ST6GALNAC2: variants seen among roughly 807,000 people sequenced by gnomAD.
ST6GALNAC2 encodes the protein alpha-N-acetylgalactosaminide alpha-2,6-sialyltransferase 2.
A neutral mutation model predicts 38.7 loss-of-function variants in ST6GALNAC2; 42 were observed. The observed-to-expected ratio is 1.09, with a 90% CI of 0.85 to 1.40. The LOEUF (loss-of-function observed/expected upper bound fraction) is 1.40. Among genes scored for constraint, ST6GALNAC2 ranks in the 40% most tolerant of loss-of-function variants. ST6GALNAC2 has a pLI of 0.00. For synonymous variants in ST6GALNAC2, 233 were observed against 209.0 expected (o/e 1.11, Z -0.99); for missense variants, 506 against 481.7 (o/e 1.05, Z -0.47).
intron 1 of ST6GALNAC2, among the ~76,000 whole-genome samples, chr17:76,583,113 C>T (rs537497474): frequency 3.9e-5 from 6 of 152,260 alleles, no homozygotes; most frequent in African/African-American, 9.6e-5. Flanking sequence ...CGGTGGCTCA[C>T]GCCTATAATC....
intron 2 of ST6GALNAC2, among the ~76,000 whole-genome samples, chr17:76,576,932 T>G (rs1421141304): frequency 6.7e-6 from 1 of 148,664 alleles, no homozygotes; most frequent in Non-Finnish European, 1.5e-5. Context: ...ATGGCGCCAT[T>G]GCACTCCAGC....
At position 76,565,986 on chromosome 17, in the gene ST6GALNAC2, C is replaced by G; in HGVS notation, c.*118G>C. 1 of 1,080,486 alleles carries G rather than the reference C, an allele frequency of 9.3e-7. No individual in the cohort carries two copies. The highest frequency in any genetic ancestry group is 1.6e-5 in the African/African-American group (1 of 62,636). The allele number at this position is 1,080,486 out of a possible 1,614,324, so 66.9% of individuals were successfully genotyped here. A position where few individuals can be genotyped will look rare whatever the true frequency, so the allele number is the denominator to read the frequency against. ...GACCTCGATGAAAATCTTGAATTCA[C>G]CCCAGTGCCCTCTGTTGGCAAGGGA... On this transcript the variant is annotated 3_prime_UTR_variant, in exon 9 of 9. Transcript: ENST00000225276.
Position 76,565,965 on chromosome 17 carries a change from T to C in ST6GALNAC2, c.*139A>G. 1.2e-6 allele frequency: 1 copy of C among 864,780 alleles called. No homozygotes were observed. The highest frequency in any genetic ancestry group is 1.7e-6 in the Non-Finnish European group (1 of 574,158). 53.6% of individuals were successfully genotyped at this position (864,780 alleles called of 1,614,324 possible). On this transcript the variant is annotated 3_prime_UTR_variant, in exon 9 of 9. Coordinates refer to ENST00000225276, the MANE Select transcript of ST6GALNAC2 (RefSeq NM_006456.3). The stretch of plus-strand genomic sequence containing the variant: ...TGGGGTGTCCTATATTGAACAGACC[T>C]CGATGAAAATCTTGAATTCACCCCA...
In ST6GALNAC2 at chr17:76,566,066, G is replaced by A. The variant is rs368408999; in HGVS notation, c.*38C>T. The A allele has an allele frequency of 8.3e-4, 1,311 of 1,586,378 alleles. 1 individual carries two copies. Among genetic ancestry groups the A allele is most frequent in the Non-Finnish European group, 1.0e-3 (1,183 of 1,165,988 alleles). On this transcript the variant is annotated 3_prime_UTR_variant, in exon 9 of 9. Coordinates refer to ENST00000225276, the MANE Select transcript of ST6GALNAC2 (RefSeq NM_006456.3). Reference sequence around the variant, plus strand: ...TTGGCCACTTGAGAGGATCAGGGCCGCAACTCTTGAAGAAGCAAAGGGCTC... The same window carrying A: ...TTGGCCACTTGAGAGGATCAGGGCCACAACTCTTGAAGAAGCAAAGGGCTC...
intron 6 of ST6GALNAC2, chr17:76,570,255 G>A: frequency 5.6e-6 from 2 of 357,288 alleles, no homozygotes; most frequent in South Asian, 6.0e-5. Flanking sequence ...GGAGAGTGCA[G>A]CCCAAAGCCG....
At chr17:76,568,648 A>G in intron 7 of ST6GALNAC2, 65 bp downstream of exon 7, 1 of 1,523,006 alleles carries the variant, frequency 6.6e-7, no homozygotes, top group South Asian at 1.1e-5. Context: ...CGCTGACTGG[A>G]TGTGGGTGGG....
rs148553809 is a variant in ST6GALNAC2, at chr17:76,574,833, C to T, written c.187-294G>A. On this transcript the variant is annotated intron_variant, in intron 2 of 8. Coordinates refer to ENST00000225276, the MANE Select transcript of ST6GALNAC2 (RefSeq NM_006456.3). ...CTGGGTCTACAGGCGCCCGCCACCA[C>T]GCCCGGCTAATTTTTTGTATTTTTA... Among the ~76,000 whole-genome samples, 1,518 of 152,216 alleles carry T rather than the reference C, an allele frequency of 1.0e-2. 28 individuals are homozygous for T. Among genetic ancestry groups the T allele is most frequent in the African/African-American group, 0.034 (1,418 of 41,536 alleles).
Position 76,574,528 on chromosome 17 carries a change from G to T in ST6GALNAC2, c.198C>A (p.Cys66Ter). 1.9e-6 allele frequency: 3 copies of T among 1,564,916 alleles called. No homozygotes were observed. The change falls in exon 3 of 9, where the codon TGC becomes TGA. Residue 66 changes from cysteine to a stop codon, truncating the protein, a stop_gained. Transcript: ENST00000225276. LOFTEE classifies it high-confidence loss of function. ...GAATGGCCAGGTGAAGCAGGTGTCG[G>T]CAGGCCTGGCCCTGTGGGTGAGAAG... ...SNSWTGKGQA[C>*]RHLLHLAIQR...
At chr17:76,580,353 G>T (rs1362750487) in intron 1 of ST6GALNAC2, among the ~76,000 whole-genome samples, 1 of 152,130 alleles carries the variant, frequency 6.6e-6, no homozygotes, top group East Asian at 1.9e-4. Context: ...GGAAGGTGGA[G>T]GTTGTGGTGA....
chr17:76,582,784 A>C (rs2075495355), intron 1 of ST6GALNAC2, among the ~76,000 whole-genome samples: 1 of 152,118 alleles, frequency 6.6e-6, no homozygotes, highest in Non-Finnish European at 1.5e-5. Flanking sequence ...GGGGAAGCTC[A>C]TGTGGCCTGC....
At chr17:76,581,378 G>A (rs182294180) in intron 1 of ST6GALNAC2, among the ~76,000 whole-genome samples, 3 of 152,058 alleles carry the variant, frequency 2.0e-5, no homozygotes, top group South Asian at 2.1e-4. Flanking sequence ...GCTCAGCCCC[G>A]AAATCCTGAG....
rs2075342382 is a variant in ST6GALNAC2 at position 76,570,610 on chromosome 17, GC to G, written c.727del (p.Ala243ProfsTer11). The G allele has an allele frequency of 1.2e-6, 2 of 1,613,270 alleles. No individual in the cohort carries two copies. The highest frequency in any genetic ancestry group is 2.7e-5 in the African/African-American group (2 of 74,994). Reference sequence around the variant, plus strand: ...CTCAGGGACAGGCACGCCCAGAATGGCCGATCTCAGCATCACATAGTCGCGG... The same window carrying G: ...CTCAGGGACAGGCACGCCCAGAATGGCGATCTCAGCATCACATAGTCGCGG... ...DIRDYVMLRSAILGVPVPEGL... is the reference protein window; with the variant it reads ...DIRDYVMLRSXILGVPVPEGL... On this transcript the variant is annotated frameshift_variant, in exon 6 of 9. Coordinates refer to ENST00000225276, the MANE Select transcript of ST6GALNAC2 (RefSeq NM_006456.3). LOFTEE classifies it high-confidence loss of function.
rs144854134 is a variant in ST6GALNAC2, at chr17:76,574,382, C to T, written c.344G>A (p.Arg115Gln). 124 of 1,612,676 alleles carry T rather than the reference C, an allele frequency of 7.7e-5. No homozygotes were observed. The highest frequency in any genetic ancestry group is 7.5e-5 in the Non-Finnish European group (89 of 1,179,346). ...LSQHKAPYGW[R>Q]GLSHQVIAST... ...CGGGTTACCTTGGTGAGAGAGCCCCCGCCAGCCATACGGGGCTTTGTGTTG... is the reference window on the plus strand; with the variant it reads ...CGGGTTACCTTGGTGAGAGAGCCCCTGCCAGCCATACGGGGCTTTGTGTTG... Residue 115 changes from arginine to glutamine, a missense_variant, in exon 3 of 9, where the codon CGG becomes CAG. Physicochemically the swap from Arg to Gln is conservative, Grantham distance 43. Transcript: ENST00000225276.
intron 8 of ST6GALNAC2, among the ~76,000 whole-genome samples, chr17:76,566,675 G>A (rs1282877278): frequency 6.9e-6 from 1 of 144,790 alleles, no homozygotes; most frequent in Middle Eastern, 3.2e-3. Context: ...GGGCAACATG[G>A]TAAGACCCTG....
rs777229220 is a variant in ST6GALNAC2, at chr17:76,574,462, A to G, written c.264T>C (p.Ile88=). ...AGAGGTCCCCCCACAGCAGCACTGG[A>G]ATGGAGAGATTGAACAGGCCACGGA... is the stretch of plus-strand genomic sequence containing the variant. ...PHFRGLFNLS[I]PVLLWGDLFT... Residue 88 remains isoleucine, a synonymous_variant, in exon 3 of 9, where the codon ATT becomes ATC. Coordinates refer to ENST00000225276, the MANE Select transcript of ST6GALNAC2 (RefSeq NM_006456.3). 4 of 1,613,786 alleles carry G rather than the reference A, an allele frequency of 2.5e-6. No individual in the cohort carries two copies. Among genetic ancestry groups the G allele is most frequent in the Non-Finnish European group, 3.4e-6 (4 of 1,179,938 alleles).
intron 1 of ST6GALNAC2, 47 bp from the exon 2 acceptor site, chr17:76,578,863 C>G: frequency 6.3e-7 from 1 of 1,575,326 alleles, no homozygotes. Flanking sequence ...CTCTGACCTA[C>G]CCCTTGGAAG....
chr17:76,573,159 T>TGCCCCCCCCC lies in ST6GALNAC2; in HGVS notation c.530+35_530+36insGGGGGGGGGC. 6.5e-7 allele frequency: 1 copy of TGCCCCCCCCC among 1,530,324 alleles called. No homozygotes were observed. The allele number at this position is 1,530,324 out of a possible 1,614,324, so 94.8% of individuals were successfully genotyped here. A position where few individuals can be genotyped will look rare whatever the true frequency, so the allele number is the denominator to read the frequency against. On this transcript the variant is annotated intron_variant, in intron 4 of 8. Transcript: ENST00000225276. The surrounding 1 kb of genome is among the most constrained non-coding windows in gnomAD (Gnocchi z 5.1). ...GACACCCCCACCCTCCAGGCAACTC[T>TGCCCCCCCCC]CCCTCCCGCCCCTCCCCAGCTCCTA...
chr17:76,575,980 A>G (rs2075411277), intron 2 of ST6GALNAC2, among the ~76,000 whole-genome samples: 1 of 152,140 alleles, frequency 6.6e-6, no homozygotes, highest in African/African-American at 2.4e-5. Flanking sequence ...ATGGGGGCTC[A>G]CCCCTCTAAT....
intron 8 of ST6GALNAC2, among the ~76,000 whole-genome samples, chr17:76,567,153 T>C (rs940813192): frequency 6.6e-6 from 1 of 152,160 alleles, no homozygotes; most frequent in African/African-American, 2.4e-5. Flanking sequence ...TTAAATACCA[T>C]ACTGAGTGGC....
Sources: gnomAD v4.1 joint callset for allele counts (sites outside exome capture counted in the v4.1 genomes callset) on GRCh38, gnomAD v4.1.1 for gene constraint, Gnocchi (gnomAD v3.1) non-coding constraint, MANE v1.5 for transcripts, NCBI Gene and HGNC (gene_info 2026-07-23, HGNC 2026-07-21) for gene names.